The following POU2F3 variants were observed in gnomAD, a reference collection of about 807,000 sequenced individuals.
The protein encoded by POU2F3 is POU domain, class 2, transcription factor 3.
POU2F3 carries 23 observed loss-of-function variants against 59.2 expected under a neutral mutation model. That is an observed-to-expected ratio of 0.39 (90% confidence interval 0.28 to 0.55). The LOEUF (loss-of-function observed/expected upper bound fraction) is 0.55, where lower values mean the gene tolerates loss of function less well. POU2F3 is among the 20% of genes least tolerant of loss of function. POU2F3 has a pLI of 0.66. For missense variants in POU2F3, 473 were observed against 544.5 expected (o/e 0.87, Z 1.31); for synonymous variants, 190 against 214.6 (o/e 0.89, Z 1.00).
At chr11:120,254,575 A>G (rs1246579682) in intron 2 of POU2F3, among the ~76,000 whole-genome samples, 1 of 152,156 alleles carries the variant, frequency 6.6e-6, no homozygotes, top group Non-Finnish European at 1.5e-5. Context: ...GGAAAGGGGG[A>G]AAAGCAGGAG....
At chr11:120,306,164 G>C (rs567377851) in intron 8 of POU2F3, among the ~76,000 whole-genome samples, 1 of 152,190 alleles carries the variant, frequency 6.6e-6, no homozygotes, top group Admixed American at 6.5e-5. Context: ...GGGCAGTGGG[G>C]CCTCTAGGGT....
chr11:120,311,833 A>G (rs888415737), intron 10 of POU2F3, among the ~76,000 whole-genome samples: 1 of 152,192 alleles, frequency 6.6e-6, no homozygotes. Context: ...AGCAAAGGCC[A>G]TGCCACCAGC....
upstream of POU2F3, among the ~76,000 whole-genome samples, chr11:120,240,022 A>T (rs1340708255): frequency 6.6e-6 from 1 of 151,996 alleles, no homozygotes; most frequent in Non-Finnish European, 1.5e-5. Flanking sequence ...CCCCCTCCCC[A>T]GGTCCCCAGC....
chr11:120,309,636 G>A (rs1351531539), intron 10 of POU2F3, 50 bp downstream of exon 10: 1 of 1,581,348 alleles, frequency 6.3e-7, no homozygotes, highest in East Asian at 2.3e-5. Flanking sequence ...GGGACATGAT[G>A]CTTGGAGGGG....
intron 3 of POU2F3, among the ~76,000 whole-genome samples, chr11:120,276,914 G>A (rs913774589): frequency 3.9e-5 from 6 of 152,054 alleles, no homozygotes; most frequent in Non-Finnish European, 5.9e-5. Context: ...TTGGGAGGCC[G>A]AGGTGGGTGG....
At chr11:120,289,616 G>A (rs1359378216) in intron 3 of POU2F3, among the ~76,000 whole-genome samples, 5 of 152,152 alleles carry the variant, frequency 3.3e-5, no homozygotes, top group Non-Finnish European at 7.3e-5. Context: ...AACAGGAAGA[G>A]AAAGCCCCGT....
chr11:120,307,432 A>ACCC lies in POU2F3; in HGVS notation c.770-46_770-45insCCC, dbSNP rs756707105. The ACCC allele has an allele frequency of 3.7e-6, 6 of 1,603,584 alleles. No homozygotes were observed. The Admixed American group carries it at 8.4e-5, about 22-fold the overall frequency. ...CCTCAGATCCATGAAGGCACCGGCC[A>ACCC]CTCATCCCCTTCTCTGAGCTTCCTC... is the stretch of plus-strand genomic sequence containing the variant. On this transcript the variant is annotated intron_variant, in intron 8 of 12. Transcript: ENST00000543440.
At chr11:120,288,672 T>A (rs1408716784) in intron 3 of POU2F3, among the ~76,000 whole-genome samples, 1 of 152,170 alleles carries the variant, frequency 6.6e-6, no homozygotes, top group African/African-American at 2.4e-5. Flanking sequence ...CAGAACATCA[T>A]GGAGATGTAC....
At position 120,318,826 on chromosome 11, in the gene POU2F3, C is replaced by A. The variant is rs1308518727; in HGVS notation, c.*434C>A. The A allele has an allele frequency of 5.4e-6, 1 of 185,840 alleles. No homozygotes were observed. Among genetic ancestry groups the A allele is most frequent in the Admixed American group, 5.9e-5 (1 of 16,820 alleles). 11.5% of individuals were successfully genotyped at this position (185,840 alleles called of 1,614,324 possible). A position where few individuals can be genotyped will look rare whatever the true frequency, so the allele number is the denominator to read the frequency against. On this transcript the variant is annotated 3_prime_UTR_variant, in exon 13 of 13. Transcript: ENST00000543440. ...ATAGTTTTGACTCTGAACTTGGCCA[C>A]AACCCCTGAACTGATCCCAAAATCT...
chr11:120,299,724 A>T lies in POU2F3; in HGVS notation c.359A>T (p.Gln120Leu). The part of the protein sequence containing the change: ...FLLSQTQPGQ[Q>L]GLQPNLLPFP... ...CTATCTCAGACCCAGCCTGGGCAGC[A>T]AGGTAAGAACCCTGGGGGTTTCCAC... The change falls in exon 5 of 13, where the codon CAA becomes CTA. Residue 120 changes from glutamine to leucine, a missense_variant and splice_region_variant. Physicochemically the swap from Gln to Leu is moderately radical, Grantham distance 113 (BLOSUM62 -2). Coordinates refer to ENST00000543440, the MANE Select transcript of POU2F3 (RefSeq NM_014352.4). 3.1e-6 allele frequency: 5 copies of T among 1,611,346 alleles called. No individual in the cohort carries two copies. Among genetic ancestry groups the T allele is most frequent in the Non-Finnish European group, 4.2e-6 (5 of 1,179,492 alleles).
chr11:120,274,575 G>T (rs1282412457), intron 3 of POU2F3, among the ~76,000 whole-genome samples: 1 of 152,182 alleles, frequency 6.6e-6, no homozygotes, highest in Non-Finnish European at 1.5e-5. Context: ...GAAGACAGGA[G>T]GTGGAACAAA....
In POU2F3 at chr11:120,309,557, A is replaced by G. The variant is rs1343473375; in HGVS notation, c.1039A>G (p.Ile347Val). ...AATCAACTGCCCTGTGGCCACACCC[A>G]TCAAACCACCTGTCTACAACTCCCG... ...KRINCPVATP[I>V]KPPVYNSRLV... The change falls in exon 10 of 13, where the codon ATC becomes GTC. Residue 347 changes from isoleucine (I) to valine (V), a missense_variant. Physicochemically the swap from Ile to Val is conservative, Grantham distance 29 (BLOSUM62 3). Coordinates refer to ENST00000543440, the MANE Select transcript of POU2F3 (RefSeq NM_014352.4). The G allele has an allele frequency of 1.2e-6, 2 of 1,613,960 alleles. No homozygotes were observed. The highest frequency in any genetic ancestry group is 8.5e-7 in the Non-Finnish European group (1 of 1,179,988).
At chr11:120,244,558 C>T (rs1317155966) in intron 1 of POU2F3, among the ~76,000 whole-genome samples, 1 of 152,192 alleles carries the variant, frequency 6.6e-6, no homozygotes, top group Non-Finnish European at 1.5e-5. Context: ...TTGTCTGATG[C>T]CAAATCCCAT....
upstream of POU2F3, chr11:120,236,708 G>GT: frequency 6.7e-7 from 1 of 1,489,594 alleles, no homozygotes; most frequent in Non-Finnish European, 9.1e-7. Flanking sequence ...GGAGGAAGGG[G>GT]TAAAGGAGTT....
intron 3 of POU2F3, among the ~76,000 whole-genome samples, chr11:120,288,395 C>G (rs1047639381): frequency 6.6e-6 from 1 of 152,134 alleles, no homozygotes; most frequent in Non-Finnish European, 1.5e-5. Flanking sequence ...GGCTTTGGAG[C>G]TTCAAGAGAT....
Position 120,309,472 on chromosome 11 carries a change from G to A in POU2F3, c.954G>A (p.Leu318=). ...AGATCTCCATGATTGCAGAGCAGTTGTCCATGGAGAAGGAGGTGGTGAGGG... is the reference window on the plus strand; with the variant it reads ...AGATCTCCATGATTGCAGAGCAGTTATCCATGGAGAAGGAGGTGGTGAGGG... ...SEEISMIAEQ[L]SMEKEVVRVW... is the part of the protein sequence containing the mutation. Residue 318 remains leucine (L), a synonymous_variant, in exon 10 of 13, where the codon TTG becomes TTA. Coordinates refer to ENST00000543440, the MANE Select transcript of POU2F3 (RefSeq NM_014352.4). The A allele has an allele frequency of 6.2e-7, 1 of 1,614,032 alleles. No homozygotes were observed. Among genetic ancestry groups the A allele is most frequent in the East Asian group, 2.2e-5 (1 of 44,868 alleles).
At chr11:120,251,061 AT>A (rs1348394863) in intron 2 of POU2F3, among the ~76,000 whole-genome samples, 1 of 152,008 alleles carries the variant, frequency 6.6e-6, no homozygotes, top group Non-Finnish European at 1.5e-5. Flanking sequence ...TTGAACTCCT[AT>A]GCTCAAGTGA....
chr11:120,272,905 TG>T (rs58897049), intron 3 of POU2F3, among the ~76,000 whole-genome samples: 44,422 of 152,090 alleles, frequency 0.29, 7,817 homozygotes, highest in African/African-American at 0.48. Context: ...CTCTTCTTTC[TG>T]GGGTTCTGTT....
chr11:120,299,407 A>G (rs181104819), intron 4 of POU2F3, among the ~76,000 whole-genome samples: 115 of 152,328 alleles, frequency 7.5e-4, no homozygotes, highest in Non-Finnish European at 1.4e-3. Context: ...AATATGTAGT[A>G]AGGACTCCTA....
Sources: gnomAD v4.1 joint callset for allele counts (sites outside exome capture counted in the v4.1 genomes callset) on GRCh38, gnomAD v4.1.1 for gene constraint, MANE v1.5 for transcripts, NCBI Gene and HGNC (gene_info 2026-07-23, HGNC 2026-07-21) for gene names.